The following SUCNR1 variants were observed in gnomAD, a reference collection of about 807,000 sequenced individuals.
SUCNR1 encodes the protein succinate receptor 1, also known as G-protein coupled receptor 91.
Under a neutral mutation model 2.4 loss-of-function variants are expected in SUCNR1, and 5 were observed. The ratio of observed to expected loss-of-function variants is 2.07; its 90% CI spans 1.08 to 4.36. SUCNR1 has a LOEUF of 4.36. Ranked by LOEUF, SUCNR1 falls within the 30% of genes most tolerant of loss-of-function variation. SUCNR1 has a pLI of 0.00. For missense variants in SUCNR1, 373 were observed against 399.2 expected (o/e 0.93, Z 0.56); for synonymous variants, 162 against 143.9 (o/e 1.13, Z -0.90).
Position 151,881,154 on chromosome 3 carries a change from GTTTCT to G in SUCNR1, c.615_619del (p.Phe205LeufsTer13), listed in dbSNP as rs775462553. ...TTCCTTATTCCTCTTTTTGTGATGT[GTTTCT>G]TTTATTACAAGATTGCTCTCTTCCT... On this transcript the variant is annotated frameshift_variant, in exon 3 of 3. Coordinates refer to ENST00000362032, the MANE Select transcript of SUCNR1 (RefSeq NM_033050.6). LOFTEE classifies it low-confidence loss of function (END_TRUNC). 19 of 1,614,000 alleles carry G rather than the reference GTTTCT, an allele frequency of 1.2e-5. No individual in the cohort carries two copies. Among genetic ancestry groups the G allele is most frequent in the Middle Eastern group, 3.3e-4 (2 of 6,084 alleles).
intron 1 of SUCNR1, among the ~76,000 whole-genome samples, chr3:151,878,728 G>A (rs538875325): frequency 6.6e-5 from 10 of 152,024 alleles, no homozygotes; most frequent in African/African-American, 1.9e-4. Context: ...GAGAGACTCC[G>A]AAAAATGTAT....
chr3:151,882,115 T>C lies in SUCNR1; in HGVS notation c.*567T>C, dbSNP rs887602889. The C allele has an allele frequency of 6.6e-6, 1 of 152,218 alleles. No homozygotes were observed. Among genetic ancestry groups the C allele is most frequent in the Non-Finnish European group, 1.5e-5 (1 of 68,056 alleles). The allele number at this position is 152,218 out of a possible 1,614,324, so 9.4% of individuals were successfully genotyped here. A position where few individuals can be genotyped will look rare whatever the true frequency, so the allele number is the denominator to read the frequency against. ...TAGTCTTGTAATTTATCTAACCTTTTTGTTGTATGGGTTTATAGTGGAAAG... is the reference window on the plus strand; with the variant it reads ...TAGTCTTGTAATTTATCTAACCTTTCTGTTGTATGGGTTTATAGTGGAAAG... On this transcript the variant is annotated 3_prime_UTR_variant, in exon 3 of 3. Transcript: ENST00000362032.
Position 151,882,086 on chromosome 3 carries a change from G to C in SUCNR1, c.*538G>C, listed in dbSNP as rs1049992047. Reference sequence around the variant, plus strand: ...ATATTTTTTATATTCATCATGAATCGGGGTAGTCTTGTAATTTATCTAACC... The same window carrying C: ...ATATTTTTTATATTCATCATGAATCCGGGTAGTCTTGTAATTTATCTAACC... On this transcript the variant is annotated 3_prime_UTR_variant, in exon 3 of 3. Transcript: ENST00000362032. 5 of 152,088 alleles carry C rather than the reference G, an allele frequency of 3.3e-5. No individual in the cohort carries two copies. Among genetic ancestry groups the C allele is most frequent in the Non-Finnish European group, 5.9e-5 (4 of 68,052 alleles). 9.4% of individuals were successfully genotyped at this position (152,088 alleles called of 1,614,324 possible).
At chr3:151,874,161 T>C (rs1365768108) in intron 1 of SUCNR1, among the ~76,000 whole-genome samples, 1 of 119,986 alleles carries the variant, frequency 8.3e-6, no homozygotes, top group Non-Finnish European at 1.8e-5. Context: ...TTTTTTTTTT[T>C]TTTTTTTTTA....
Position 151,883,504 on chromosome 3 carries a change from A to ATATG in SUCNR1, c.*1957_*1958insATGT. The ATATG allele has an allele frequency of 9.0e-6, 1 of 111,290 alleles. No individual in the cohort carries two copies. The allele number at this position is 111,290 out of a possible 1,614,324, so 6.9% of individuals were successfully genotyped here. A position where few individuals can be genotyped will look rare whatever the true frequency, so the allele number is the denominator to read the frequency against. On this transcript the variant is annotated 3_prime_UTR_variant, in exon 3 of 3. Coordinates refer to ENST00000362032, the MANE Select transcript of SUCNR1 (RefSeq NM_033050.6). ...TATATATATATATATATATATATATATGTACCTTGTAAACAAGAGGTTAAG... is the reference window on the plus strand; with the variant it reads ...TATATATATATATATATATATATATATATGTGTACCTTGTAAACAAGAGGTTAAG...
Position 151,881,578 on chromosome 3 carries a change from T to C in SUCNR1, c.*30T>C. On this transcript the variant is annotated 3_prime_UTR_variant, in exon 3 of 3. Transcript: ENST00000362032. ...CTTGTGAAACAGATTGTTCTACAGATGAATCTGTAAGCCAGTTACAGTTTG... is the reference window on the plus strand; with the variant it reads ...CTTGTGAAACAGATTGTTCTACAGACGAATCTGTAAGCCAGTTACAGTTTG... 6.5e-7 allele frequency: 1 copy of C among 1,546,428 alleles called. No homozygotes were observed.
At chr3:151,874,970 T>C (rs1261050493) in intron 1 of SUCNR1, among the ~76,000 whole-genome samples, 1 of 152,052 alleles carries the variant, frequency 6.6e-6, no homozygotes, top group East Asian at 1.9e-4. Flanking sequence ...CTATCACATA[T>C]ATATTTTAAA....
chr3:151,881,667 T>A lies in SUCNR1; in HGVS notation c.*119T>A. The A allele has an allele frequency of 1.1e-6, 1 of 908,666 alleles. No individual in the cohort carries two copies. Among genetic ancestry groups the A allele is most frequent in the African/African-American group, 1.7e-5 (1 of 59,850 alleles). 56.3% of individuals were successfully genotyped at this position (908,666 alleles called of 1,614,324 possible). A position where few individuals can be genotyped will look rare whatever the true frequency, so the allele number is the denominator to read the frequency against. ...TTAACCTTGATCTAAAGACAAGTTG[T>A]ACCCAGAGTATGTGAAAAGAATGGG... On this transcript the variant is annotated 3_prime_UTR_variant, in exon 3 of 3. Coordinates refer to ENST00000362032, the MANE Select transcript of SUCNR1 (RefSeq NM_033050.6).
intron 1 of SUCNR1, among the ~76,000 whole-genome samples, chr3:151,874,974 T>C (rs955925278): frequency 1.3e-5 from 2 of 152,058 alleles, no homozygotes; most frequent in African/African-American, 2.4e-5. Flanking sequence ...CACATATATA[T>C]TTTAAAGTAA....
At position 151,879,896 on chromosome 3, in the gene SUCNR1, C is replaced by T; in HGVS notation, c.4C>T (p.Leu2=). The change falls in exon 2 of 3, where the codon CTG becomes TTG. Residue 2 remains leucine (L), a synonymous_variant. Coordinates refer to ENST00000362032, the MANE Select transcript of SUCNR1 (RefSeq NM_033050.6). ...GAATTTGTTGAACAACTACGACATG[C>T]TGGGGATCATGGTATGTTTAGAGAC... M[L]GIMAWNATCK... is the part of the protein sequence containing the mutation. 6.3e-7 allele frequency: 1 copy of T among 1,581,146 alleles called. No homozygotes were observed. The highest frequency in any genetic ancestry group is 1.8e-5 in the Admixed American group (1 of 56,380).
rs1718179597 is a variant in SUCNR1, at chr3:151,884,000, T to C, written c.*2452T>C. 1 of 152,228 alleles carries C rather than the reference T, an allele frequency of 6.6e-6. No individual in the cohort carries two copies. 9.4% of individuals were successfully genotyped at this position (152,228 alleles called of 1,614,324 possible). A position where few individuals can be genotyped will look rare whatever the true frequency, so the allele number is the denominator to read the frequency against. ...GTTCATCTCATCTGTCATTCTTTGT[T>C]GAAGCTTGCCCTTATATCCTCTCTT... On this transcript the variant is annotated 3_prime_UTR_variant, in exon 3 of 3. Coordinates refer to ENST00000362032, the MANE Select transcript of SUCNR1 (RefSeq NM_033050.6).
At chr3:151,874,915 T>A (rs1418163944) in intron 1 of SUCNR1, among the ~76,000 whole-genome samples, 2 of 152,032 alleles carry the variant, frequency 1.3e-5, no homozygotes, top group Non-Finnish European at 2.9e-5. Flanking sequence ...TGTTATTTGT[T>A]TAATTGTGAT....
intron 1 of SUCNR1, among the ~76,000 whole-genome samples, chr3:151,874,142 A>ATTTTT (rs1559855953): frequency 1.9e-5 from 1 of 53,162 alleles, no homozygotes; most frequent in East Asian, 3.6e-4. Context: ...ATATATATAT[A>ATTTTT]TATATTTTTT....
At chr3:151,874,250 C>T (rs934872754) in intron 1 of SUCNR1, among the ~76,000 whole-genome samples, 2 of 148,832 alleles carry the variant, frequency 1.3e-5, no homozygotes, top group Non-Finnish European at 3.0e-5. Context: ...TGTTGGCTCA[C>T]TGCAACCTCC....
chr3:151,881,646 C>A lies in SUCNR1; in HGVS notation c.*98C>A. Reference sequence around the variant, plus strand: ...CAATCAGAGAGTGTCACAGATTTAACCTTGATCTAAAGACAAGTTGTACCC... The same window carrying A: ...CAATCAGAGAGTGTCACAGATTTAAACTTGATCTAAAGACAAGTTGTACCC... On this transcript the variant is annotated 3_prime_UTR_variant, in exon 3 of 3. Transcript: ENST00000362032. 2 of 1,142,850 alleles carry A rather than the reference C, an allele frequency of 1.8e-6. No individual in the cohort carries two copies. Among genetic ancestry groups the A allele is most frequent in the South Asian group, 1.5e-5 (1 of 65,234 alleles). 70.8% of individuals were successfully genotyped at this position (1,142,850 alleles called of 1,614,324 possible).
Position 151,881,296 on chromosome 3 carries a change from G to A in SUCNR1, c.753G>A (p.Met251Ile), listed in dbSNP as rs1718089127. 2.5e-6 allele frequency: 4 copies of A among 1,614,216 alleles called. No individual in the cohort carries two copies. The highest frequency in any genetic ancestry group is 2.5e-6 in the Non-Finnish European group (3 of 1,180,032). ...TGCTTTTTACACCCTATCACGTCAT[G>A]CGGAATGTGAGGATCGCTTCACGCC... Reference protein sequence around the residue: ...FSVLFTPYHVMRNVRIASRLG... With the variant: ...FSVLFTPYHVIRNVRIASRLG... Residue 251 changes from methionine to isoleucine, a missense_variant, in exon 3 of 3, where the codon ATG becomes ATA. Transcript: ENST00000362032.
At chr3:151,877,645 T>C (rs905276618) in intron 1 of SUCNR1, among the ~76,000 whole-genome samples, 3 of 152,188 alleles carry the variant, frequency 2.0e-5, no homozygotes, top group African/African-American at 7.2e-5. Flanking sequence ...CCTGGATACA[T>C]GGCAGAACCA....
chr3:151,881,255 G>A lies in SUCNR1; in HGVS notation c.712G>A (p.Val238Met). Residue 238 changes from valine to methionine, a missense_variant, in exon 3 of 3, where the codon GTG becomes ATG. Val to Met is a conservative substitution (Grantham distance 21). Transcript: ENST00000362032. ...GCCTCTCAACTTGGTCATCATGGCA[G>A]TGGTAATCTTCTCTGTGCTTTTTAC... is the stretch of plus-strand genomic sequence containing the variant. Reference protein sequence around the residue: ...EKPLNLVIMAVVIFSVLFTPY... With the variant: ...EKPLNLVIMAMVIFSVLFTPY... The A allele has an allele frequency of 6.2e-7, 1 of 1,614,212 alleles. No individual in the cohort carries two copies. The highest frequency in any genetic ancestry group is 1.1e-5 in the South Asian group (1 of 91,088).
rs1234648865 is a variant in SUCNR1, at chr3:151,882,968, A to G, written c.*1420A>G. 6.6e-6 allele frequency: 1 copy of G among 152,150 alleles called. No individual in the cohort carries two copies. The highest frequency in any genetic ancestry group is 2.4e-5 in the African/African-American group (1 of 41,460). 9.4% of individuals were successfully genotyped at this position (152,150 alleles called of 1,614,324 possible). On this transcript the variant is annotated 3_prime_UTR_variant, in exon 3 of 3. Transcript: ENST00000362032. The stretch of plus-strand genomic sequence containing the variant: ...AGGACAAAATAAGCATTATGAATAC[A>G]GAGACATAAAATTCCACTGTCCCTT...
Sources: allele counts gnomAD v4.1 joint callset (sites outside exome capture counted in the v4.1 genomes callset), GRCh38; gene constraint gnomAD v4.1.1; transcripts MANE v1.5; gene names NCBI Gene and HGNC (gene_info 2026-07-23, HGNC 2026-07-21).